Variants in FRYL observed in about 807,000 individuals in gnomAD.
The protein encoded by FRYL is protein furry homolog-like.
Under a neutral mutation model 351.2 loss-of-function variants are expected in FRYL, and 150 were observed. The observed-to-expected ratio is 0.43, with a 90% CI of 0.37 to 0.49. The LOEUF (loss-of-function observed/expected upper bound fraction) is 0.49, where lower values mean the gene tolerates loss of function less well. FRYL is among the 20% of genes least tolerant of loss of function. The probability of loss-of-function intolerance (pLI) is 0.00; values close to 1 mark genes in which losing one functional copy is unlikely to be tolerated. For missense variants in FRYL, 3,036 were observed against 3,619.3 expected (o/e 0.84, Z 4.13); for synonymous variants, 1,153 against 1,257.1 (o/e 0.92, Z 1.75).
intron 59 of FRYL, among the ~76,000 whole-genome samples, chr4:48,507,534 A>AGT (rs1721419180): frequency 1.9e-4 from 2 of 10,654 alleles, no homozygotes; most frequent in East Asian, 4.4e-3. Context: ...ACTCAAACAA[A>AGT]CAGTTAGTTA....
In FRYL at chr4:48,558,383, A is replaced by C. The variant is rs2149035348; in HGVS notation, c.3866-671T>G. Among the ~76,000 whole-genome samples the C allele has an allele frequency of 2.6e-5, 4 of 152,378 alleles. No individual in the cohort carries two copies. In the South Asian group the frequency reaches 8.3e-4, roughly 32 times the overall value. On this transcript the variant is annotated intron_variant, in intron 33 of 63. Coordinates refer to ENST00000358350, the MANE Select transcript of FRYL (RefSeq NM_015030.2). ...TCCACATATATGGAGTACCTAAAGTAGTCAAATCCATAGAAACACAAAGTA... is the reference window on the plus strand; with the variant it reads ...TCCACATATATGGAGTACCTAAAGTCGTCAAATCCATAGAAACACAAAGTA...
chr4:48,776,052 AAAG>A (rs1775980636), intron 1 of FRYL, among the ~76,000 whole-genome samples: 1 of 151,594 alleles, frequency 6.6e-6, no homozygotes, highest in Non-Finnish European at 1.5e-5. Flanking sequence ...TTAAAAAAAA[AAAG>A]AAAAAGAAAA....
At chr4:48,739,163 G>C (rs1203393024) in intron 1 of FRYL, among the ~76,000 whole-genome samples, 1 of 152,130 alleles carries the variant, frequency 6.6e-6, no homozygotes, top group Non-Finnish European at 1.5e-5. Flanking sequence ...CACATTGGGA[G>C]GCCCAGGCAG....
rs2148771119 is a variant in FRYL, at chr4:48,511,641, A to T, written c.8146-657T>A. On this transcript the variant is annotated intron_variant, in intron 57 of 63. Coordinates refer to ENST00000358350, the MANE Select transcript of FRYL (RefSeq NM_015030.2). ...CGCACTTTCAGCCATCATGAAACTT[A>T]CAACATCAATAAGAATATGAGTAGA... Among the ~76,000 whole-genome samples the T allele has an allele frequency of 2.0e-5, 3 of 152,338 alleles. No individual in the cohort carries two copies. The South Asian group carries it at 6.2e-4, about 32-fold the overall frequency.
Position 48,540,959 on chromosome 4 carries a change from T to G in FRYL, c.5689A>C (p.Thr1897Pro). Reference protein sequence around the residue: ...HYDLLSALSQTSYHDPIMGNK... With the variant: ...HYDLLSALSQPSYHDPIMGNK... ...CCCATTATAGGATCATGATATGAGG[T>G]TCTTAAAAAAAAGAAAGAATAGATG... is the stretch of plus-strand genomic sequence containing the variant. Residue 1897 changes from threonine to proline, a missense_variant and splice_region_variant, in exon 46 of 64, where the codon ACC becomes CCC. Physicochemically the swap from Thr to Pro is conservative, Grantham distance 38. Transcript: ENST00000358350. 4 of 1,542,238 alleles carry G rather than the reference T, an allele frequency of 2.6e-6. No individual in the cohort carries two copies. The highest frequency in any genetic ancestry group is 3.5e-6 in the Non-Finnish European group (4 of 1,144,050).
Position 48,499,131 on chromosome 4 carries a change from A to C in FRYL, c.*291T>G. The C allele has an allele frequency of 4.0e-6, 1 of 250,954 alleles. No individual in the cohort carries two copies. The allele number at this position is 250,954 out of a possible 1,614,324, so 15.5% of individuals were successfully genotyped here. On this transcript the variant is annotated 3_prime_UTR_variant, in exon 64 of 64. Transcript: ENST00000358350. Reference sequence around the variant, plus strand: ...TCTTGGAATTCTTTTCTTTCCCCAGAAAGTAATGTATTTGTAGGCATCACT... The same window carrying C: ...TCTTGGAATTCTTTTCTTTCCCCAGCAAGTAATGTATTTGTAGGCATCACT...
At chr4:48,676,860 A>C (rs752378765) in intron 3 of FRYL, among the ~76,000 whole-genome samples, 4 of 152,136 alleles carry the variant, frequency 2.6e-5, no homozygotes, top group Non-Finnish European at 4.4e-5. Flanking sequence ...CACTGAAACA[A>C]CTCTTGCTTT....
intron 31 of FRYL, among the ~76,000 whole-genome samples, 179 bp downstream of exon 31, chr4:48,563,769 T>A (rs542543086): frequency 6.6e-6 from 1 of 151,534 alleles, no homozygotes; most frequent in Admixed American, 6.6e-5. Context: ...TACTACAGCA[T>A]TTTATATAGA....
chr4:48,715,008 C>T (rs1412694335), intron 1 of FRYL, among the ~76,000 whole-genome samples: 1 of 152,100 alleles, frequency 6.6e-6, no homozygotes, highest in African/African-American at 2.4e-5. Context: ...AAAAACAGAA[C>T]CAAAGACAAA....
rs1001197144 is a variant in FRYL, at chr4:48,588,544, T to G, written c.1640+1201A>C. ...CCCCACATGGACTATGCAGATGTGC[T>G]GCAGTGACCACCTCTCAGGCACAGC... On this transcript the variant is annotated intron_variant, in intron 18 of 63. Transcript: ENST00000358350. Among the ~76,000 whole-genome samples, 20 of 152,226 alleles carry G rather than the reference T, an allele frequency of 1.3e-4. 1 individual carries two copies. Among genetic ancestry groups the G allele is most frequent in the Admixed American group, 1.1e-3 (17 of 15,284 alleles).
At chr4:48,705,569 A>AC (rs1767249091) in intron 2 of FRYL, among the ~76,000 whole-genome samples, 1 of 151,644 alleles carries the variant, frequency 6.6e-6, no homozygotes, top group Middle Eastern at 3.2e-3. Context: ...AAAAAAAAAA[A>AC]ACAAAGTTTC....
intron 16 of FRYL, among the ~76,000 whole-genome samples, chr4:48,593,410 T>C (rs1418426204): frequency 6.6e-6 from 1 of 152,058 alleles, no homozygotes; most frequent in African/African-American, 2.4e-5. Context: ...AATGGCTTGA[T>C]CTCGACTCAC....
chr4:48,673,016 T>C (rs1762972603), intron 3 of FRYL, among the ~76,000 whole-genome samples: 1 of 152,198 alleles, frequency 6.6e-6, no homozygotes, highest in Admixed American at 6.5e-5. Flanking sequence ...GTAAAATAAG[T>C]GCTACATCGT....
rs187299977 is a variant in FRYL at position 48,757,344 on chromosome 4, T to C, written c.-384+22734A>G. 3.3e-3 allele frequency among the ~76,000 whole-genome samples: 496 copies of C among 152,280 alleles called. 1 individual carries two copies. The highest frequency in any genetic ancestry group is 5.4e-3 in the Non-Finnish European group (364 of 68,014). ...ATGACTGTATATTTAGAAAACCCCA[T>C]TGTCTCAGCCCAAAATCTCCTTAAG... On this transcript the variant is annotated intron_variant, in intron 1 of 63. Transcript: ENST00000358350.
At chr4:48,586,231 T>C (rs1742081892) in intron 19 of FRYL, among the ~76,000 whole-genome samples, 1 of 152,136 alleles carries the variant, frequency 6.6e-6, no homozygotes, top group South Asian at 2.1e-4. Flanking sequence ...GAGACCTGAT[T>C]ACCACTAGAG....
intron 59 of FRYL, among the ~76,000 whole-genome samples, chr4:48,507,581 C>T (rs568659017): frequency 7.2e-4 from 110 of 152,138 alleles, no homozygotes; most frequent in Non-Finnish European, 1.4e-3. Flanking sequence ...CAATACCCGC[C>T]CCAGTGCTTA....
At chr4:48,579,388 A>G in intron 22 of FRYL, 147 bp from the exon 23 acceptor site, 2 of 627,106 alleles carry the variant, frequency 3.2e-6, no homozygotes, top group Middle Eastern at 4.4e-4. Context: ...GGAGTAGAGA[A>G]TTCCTGAAAC....
intron 32 of FRYL, 64 bp downstream of exon 32, chr4:48,562,825 A>T: frequency 1.1e-6 from 1 of 915,190 alleles, no homozygotes; most frequent in East Asian, 2.4e-5. Context: ...TAATAGCAAG[A>T]CTAAATTATT....
chr4:48,564,914 A>T lies in FRYL; in HGVS notation c.3441+19T>A. On this transcript the variant is annotated intron_variant, in intron 30 of 63. Coordinates refer to ENST00000358350, the MANE Select transcript of FRYL (RefSeq NM_015030.2). ...AATGACAACTTATTATGAACCTTTA[A>T]GGAAATTGTCATAATTACCTTTTTG... 3 of 1,315,028 alleles carry T rather than the reference A, an allele frequency of 2.3e-6. No homozygotes were observed. Among genetic ancestry groups the T allele is most frequent in the South Asian group, 2.4e-5 (2 of 82,318 alleles). The allele number at this position is 1,315,028 out of a possible 1,614,324, so 81.5% of individuals were successfully genotyped here. A position where few individuals can be genotyped will look rare whatever the true frequency, so the allele number is the denominator to read the frequency against.
Sources: allele counts gnomAD v4.1 joint callset (sites outside exome capture counted in the v4.1 genomes callset), GRCh38; gene constraint gnomAD v4.1.1; transcripts MANE v1.5; gene names NCBI Gene and HGNC (gene_info 2026-07-23, HGNC 2026-07-21).